Variants in PKD1 observed in about 807,000 individuals in gnomAD.
PKD1 encodes polycystin 1, transient receptor potential channel interacting.
Under a neutral mutation model 361.7 loss-of-function variants are expected in PKD1, and 81 were observed. The ratio of observed to expected loss-of-function variants is 0.22; its 90% CI spans 0.19 to 0.27. The LOEUF (loss-of-function observed/expected upper bound fraction) is 0.27. PKD1 is among the 10% of genes least tolerant of loss of function. The pLI is 1.00. For synonymous variants in PKD1, 3,615 were observed against 2,818.3 expected (o/e 1.28, Z -8.95); for missense variants, 6,399 against 6,118.3 (o/e 1.05, Z -1.53).
chr16:2,097,819 A>T, intron 31 of PKD1, 39 bp from the exon 32 acceptor site: 3 of 1,611,066 alleles, frequency 1.9e-6, no homozygotes, highest in Non-Finnish European at 2.5e-6. Context: ...AGCTGCGCCA[A>T]GGCGGCAGGA....
chr16:2,091,405 G>T lies in PKD1; in HGVS notation c.11712+18C>A. 2 of 1,132,644 alleles carry T rather than the reference G, an allele frequency of 1.8e-6. No individual in the cohort carries two copies. Among genetic ancestry groups the T allele is most frequent in the East Asian group, 1.0e-4 (2 of 19,920 alleles). The allele number at this position is 1,132,644 out of a possible 1,614,324, so 70.2% of individuals were successfully genotyped here. A position where few individuals can be genotyped will look rare whatever the true frequency, so the allele number is the denominator to read the frequency against. ...GCTGCCGGTGGGAGGCGCGGGGTCT[G>T]GCCGGGGACGGGCGTACCGAGGTGA... On this transcript the variant is annotated intron_variant, in intron 42 of 45. Coordinates refer to ENST00000262304, the MANE Select transcript of PKD1 (RefSeq NM_001009944.3).
At position 2,114,243 on chromosome 16, in the gene PKD1, G is replaced by T. The variant is rs139963923; in HGVS notation, c.2780C>A (p.Thr927Lys). Residue 927 changes from threonine (T) to lysine (K), a missense_variant, in exon 11 of 46, where the codon ACG (threonine) becomes AAG (lysine). Transcript: ENST00000262304. ...GAGGCCACAGATGGGCTCCTCCGCC[G>T]TCACCCGCAGGCTGAGGTTGGCCCG... ...ASRANLSLRV[T>K]AEEPICGLRA... The T allele has an allele frequency of 6.2e-7, 1 of 1,609,846 alleles. No homozygotes were observed. Among genetic ancestry groups the T allele is most frequent in the South Asian group, 1.1e-5 (1 of 90,964 alleles).
intron 16 of PKD1, chr16:2,107,306 T>C (rs1440654268): frequency 1.0e-5 from 4 of 391,470 alleles, no homozygotes; most frequent in Non-Finnish European, 2.0e-5. Flanking sequence ...CACAGACTCC[T>C]GCAGCCCTTA....
intron 1 of PKD1, among the ~76,000 whole-genome samples, chr16:2,130,439 C>T (rs1455527472): frequency 6.6e-6 from 1 of 152,228 alleles, no homozygotes; most frequent in Admixed American, 6.5e-5. Context: ...GGCCAGCCCC[C>T]TCCCCATCAT....
rs28369051 is a variant in PKD1 at position 2,106,152 on chromosome 16, C to G, written c.7642G>C (p.Glu2548Gln). Reference sequence around the variant, plus strand: ...TGCACCACCACGGCCAGGCCCACCTCGAAGTGTGGCCTGAAACCCGGGGGC... The same window carrying G: ...TGCACCACCACGGCCAGGCCCACCTGGAAGTGTGGCCTGAAACCCGGGGGC... ...VLPPGFRPHFEVGLAVVVQDQ... is the reference protein window; with the variant it reads ...VLPPGFRPHFQVGLAVVVQDQ... Residue 2548 changes from glutamate (E) to glutamine (Q), a missense_variant, in exon 19 of 46, where the codon GAG (glutamate) becomes CAG (glutamine). Physicochemically the swap from Glu to Gln is conservative, Grantham distance 29. Coordinates refer to ENST00000262304, the MANE Select transcript of PKD1 (RefSeq NM_001009944.3). The surrounding 1 kb of genome is among the most constrained non-coding windows in gnomAD (Gnocchi z 6.5). 5.7e-3 allele frequency: 9,239 copies of G among 1,607,232 alleles called. 489 individuals are homozygous for G. The African/African-American group carries it at 0.1, about 18-fold the overall frequency.
At position 2,089,185 on chromosome 16, in the gene PKD1, A is replaced by G. The variant is rs1397901251; in HGVS notation, c.*542T>C. 4 of 173,594 alleles carry G rather than the reference A, an allele frequency of 2.3e-5. No individual in the cohort carries two copies. Among genetic ancestry groups the G allele is most frequent in the African/African-American group, 9.6e-5 (4 of 41,866 alleles). 10.8% of individuals were successfully genotyped at this position (173,594 alleles called of 1,614,324 possible). ...CGCCACCACACCTACCAAGCGCAGC[A>G]GGTGTTGGGGGAGGCCAGCTCTGGG... On this transcript the variant is annotated 3_prime_UTR_variant, in exon 46 of 46. Coordinates refer to ENST00000262304, the MANE Select transcript of PKD1 (RefSeq NM_001009944.3).
intron 26 of PKD1, 21 bp downstream of exon 26, chr16:2,102,040 C>A (rs2092118128): frequency 4.7e-6 from 7 of 1,497,222 alleles, no homozygotes; most frequent in South Asian, 3.6e-5. Flanking sequence ...GGAGGCCCTG[C>A]CACCCCGCTG....
chr16:2,116,577 C>T lies in PKD1; in HGVS notation c.1674G>A (p.Thr558=), dbSNP rs757658330. The T allele has an allele frequency of 2.6e-5, 41 of 1,570,910 alleles. No homozygotes were observed. The Admixed American group carries it at 2.9e-4, about 11-fold the overall frequency. ...APSGDLQGPL[T]PLAQQDGLSA... ...AGAGGCCGTCCTGCTGTGCCAGAGGCGTCAGGGGTCCCTGCAGGTCCCCAC... is the reference window on the plus strand; with the variant it reads ...AGAGGCCGTCCTGCTGTGCCAGAGGTGTCAGGGGTCCCTGCAGGTCCCCAC... The change falls in exon 8 of 46, where the codon ACG becomes ACA. Residue 558 remains threonine, a synonymous_variant. Coordinates refer to ENST00000262304, the MANE Select transcript of PKD1 (RefSeq NM_001009944.3).
rs936664209 is a variant in PKD1 at position 2,118,904 on chromosome 16, C to A, written c.360-59G>T. ...CTGGTGGGAAGGGTCTATGCCAGCCCCCCACTGGCAACCAGGCCCTGGAGC... is the reference window on the plus strand; with the variant it reads ...CTGGTGGGAAGGGTCTATGCCAGCCACCCACTGGCAACCAGGCCCTGGAGC... On this transcript the variant is annotated intron_variant, in intron 3 of 45. Transcript: ENST00000262304. The surrounding 1 kb of genome is among the most constrained non-coding windows in gnomAD (Gnocchi z 6.0). 8.2e-6 allele frequency: 8 copies of A among 973,350 alleles called. No homozygotes were observed. In the African/African-American group the frequency reaches 1.3e-4, roughly 16 times the overall value. The allele number at this position is 973,350 out of a possible 1,614,324, so 60.3% of individuals were successfully genotyped here.
chr16:2,102,789 T>G, intron 24 of PKD1, 25 bp downstream of exon 24: 1 of 1,609,768 alleles, frequency 6.2e-7, no homozygotes. Flanking sequence ...TGCCCTGCCC[T>G]GCCAGGCTGG....
chr16:2,091,157 G>C lies in PKD1; in HGVS notation c.11730C>G (p.Phe3910Leu), dbSNP rs776161598. The C allele has an allele frequency of 1.4e-5, 21 of 1,457,714 alleles. 1 individual carries two copies. In the South Asian group the frequency reaches 2.2e-4, roughly 15 times the overall value. 90.3% of individuals were successfully genotyped at this position (1,457,714 alleles called of 1,614,324 possible). A position where few individuals can be genotyped will look rare whatever the true frequency, so the allele number is the denominator to read the frequency against. ...PLLTSVCLLLFAVHFAVAEAR... is the reference protein window; with the variant it reads ...PLLTSVCLLLLAVHFAVAEAR... ...CCTCGGCCACGGCGAAGTGCACGGC[G>C]AACAGCAGCAGGCACACCTGTGGGG... The change falls in exon 43 of 46, where the codon TTC becomes TTG. Residue 3910 changes from phenylalanine (F) to leucine (L), a missense_variant. Transcript: ENST00000262304.
In PKD1 at chr16:2,103,821, G is replaced by T. The variant is rs201050321; in HGVS notation, c.8236C>A (p.Arg2746=). 1.2e-6 allele frequency: 2 copies of T among 1,608,262 alleles called. No homozygotes were observed. The highest frequency in any genetic ancestry group is 1.1e-5 in the South Asian group (1 of 90,852). Residue 2746 remains arginine (R), a synonymous_variant, in exon 23 of 46, where the codon CGG becomes AGG. Transcript: ENST00000262304. Reference sequence around the variant, plus strand: ...TTGTAGGCCTGGGACGCCACCATCCGAGATGGTGACTCGGCTCCCAGCTCT... The same window carrying T: ...TTGTAGGCCTGGGACGCCACCATCCTAGATGGTGACTCGGCTCCCAGCTCT... ...PSELGAESPS[R]MVASQAYNLT... is the part of the protein sequence containing the mutation.
rs114813988 is a variant in PKD1 at position 2,127,277 on chromosome 16, C to T, written c.216-7899G>A. Among the ~76,000 whole-genome samples the T allele has an allele frequency of 8.9e-3, 1,352 of 152,296 alleles. 14 individuals carry two copies. The highest frequency in any genetic ancestry group is 0.029 in the African/African-American group (1,207 of 41,548). On this transcript the variant is annotated intron_variant, in intron 1 of 45. Coordinates refer to ENST00000262304, the MANE Select transcript of PKD1 (RefSeq NM_001009944.3). Reference sequence around the variant, plus strand: ...ACAAAAGGAGTGAGGACGGTACTCGCGGCTCTGCCAACACTTCCCAGCCCC... The same window carrying T: ...ACAAAAGGAGTGAGGACGGTACTCGTGGCTCTGCCAACACTTCCCAGCCCC...
chr16:2,103,439 G>T lies in PKD1; in HGVS notation c.8618C>A (p.Thr2873Asn). 3.1e-6 allele frequency: 5 copies of T among 1,599,268 alleles called. No individual in the cohort carries two copies. Among genetic ancestry groups the T allele is most frequent in the Non-Finnish European group, 4.2e-6 (5 of 1,179,586 alleles). ...GTCCGAGTTGTTGGGCACCTTCACG[G>T]TGATGGCGCGCTCTGAGGCCAGCCG... ...IERLASERAI[T>N]VKVPNNSDWA... Residue 2873 changes from threonine (T) to asparagine (N), a missense_variant, in exon 23 of 46, where the codon ACC becomes AAC. Thr to Asn is a moderately conservative substitution (Grantham distance 65, BLOSUM62 0). Transcript: ENST00000262304.
intron 1 of PKD1, among the ~76,000 whole-genome samples, chr16:2,127,168 A>C (rs1339149952): frequency 1.3e-5 from 2 of 152,226 alleles, no homozygotes; most frequent in Non-Finnish European, 2.9e-5. Context: ...ACCACCTAAC[A>C]GCAAGAATGC....
In PKD1 at chr16:2,090,109, G is replaced by A. The variant is rs767438361; in HGVS notation, c.12530C>T (p.Pro4177Leu). ...RGSKVSPDVP[P>L]PSAGSDASHP... ...CGAGGCATCGGAGCCAGCGCTGGGT[G>A]GGGGCACATCCGGGGATACCTTGGA... Residue 4177 changes from proline to leucine, a missense_variant, in exon 46 of 46, where the codon CCA (proline) becomes CTA (leucine). Physicochemically the swap from Pro to Leu is moderately conservative, Grantham distance 98 (BLOSUM62 -3). Transcript: ENST00000262304. 22 of 1,603,498 alleles carry A rather than the reference G, an allele frequency of 1.4e-5. No individual in the cohort carries two copies. In the South Asian group the frequency reaches 1.4e-4, roughly 10 times the overall value.
intron 26 of PKD1, among the ~76,000 whole-genome samples, chr16:2,101,457 A>C (rs1041569402): frequency 6.6e-6 from 1 of 152,022 alleles, no homozygotes; most frequent in African/African-American, 2.4e-5. Flanking sequence ...CCTGGCTGAC[A>C]TGGTGAAAAA....
chr16:2,104,337 G>T (rs1176256900), intron 22 of PKD1, among the ~76,000 whole-genome samples, 161 bp downstream of exon 22: 15 of 81,920 alleles, frequency 1.8e-4, no homozygotes, highest in East Asian at 1.5e-3. Context: ...GGGAGGGGGA[G>T]GAGAATGGGA....
rs891803760 is a variant in PKD1, at chr16:2,089,036, C to T, written c.*691G>A. On this transcript the variant is annotated 3_prime_UTR_variant, in exon 46 of 46. Coordinates refer to ENST00000262304, the MANE Select transcript of PKD1 (RefSeq NM_001009944.3). Reference sequence around the variant, plus strand: ...AGGCCTGGGCGCTGCTCTCTTGCTACCTGGCCTGGGGCAAGGGAGGATGAC... The same window carrying T: ...AGGCCTGGGCGCTGCTCTCTTGCTATCTGGCCTGGGGCAAGGGAGGATGAC... 1.5e-5 allele frequency: 3 copies of T among 200,934 alleles called. No individual in the cohort carries two copies. In the Admixed American group the frequency reaches 1.6e-4, roughly 11 times the overall value. The allele number at this position is 200,934 out of a possible 1,614,324, so 12.4% of individuals were successfully genotyped here. A position where few individuals can be genotyped will look rare whatever the true frequency, so the allele number is the denominator to read the frequency against.
Sources: gnomAD v4.1 joint callset for allele counts (sites outside exome capture counted in the v4.1 genomes callset) on GRCh38, gnomAD v4.1.1 for gene constraint, Gnocchi (gnomAD v3.1) non-coding constraint, MANE v1.5 for transcripts, NCBI Gene and HGNC (gene_info 2026-07-23, HGNC 2026-07-21) for gene names.